Variants in ACOT12 observed in about 807,000 individuals in gnomAD.
ACOT12 encodes acetyl-coenzyme A thioesterase.
In ACOT12, 51 loss-of-function variants were observed where a neutral mutation model predicts 67.7. The ratio of observed to expected loss-of-function variants is 0.75; its 90% CI spans 0.60 to 0.95. The LOEUF is 0.95. ACOT12 is among the 40% of genes least tolerant of loss of function. ACOT12 has a pLI of 0.00. For synonymous variants in ACOT12, 251 were observed against 244.6 expected, an observed-to-expected ratio of 1.03 and a Z score of -0.24; for missense variants, 734 against 708.1, an observed-to-expected ratio of 1.04 and a Z score of -0.41.
At chr5:81,318,065 T>C in the ACOT12 span, among the ~76,000 whole-genome samples, 1 of 152,024 alleles carries the variant, frequency 6.6e-6, no homozygotes, top group Non-Finnish European at 1.5e-5. Flanking sequence ...GTATTTTTAG[T>C]AGAGACAGGG....
chr5:81,344,822 G>T, intron 8 of ACOT12, 69 bp downstream of exon 8: 1 of 1,567,522 alleles, frequency 6.4e-7, no homozygotes. Context: ...GTTGCCGGTG[G>T]GAGGAGATTC....
chr5:81,369,746 G>A (rs1300303497), intron 3 of ACOT12, among the ~76,000 whole-genome samples: 1 of 152,174 alleles, frequency 6.6e-6, no homozygotes, highest in African/African-American at 2.4e-5. Flanking sequence ...TTAGGGAAGA[G>A]GAGGAAAAGG....
the ACOT12 span, among the ~76,000 whole-genome samples, chr5:81,309,613 C>T: frequency 9.2e-5 from 14 of 152,282 alleles, no homozygotes; most frequent in Non-Finnish European, 1.5e-4. Context: ...AGGCTCTAGA[C>T]GTTTCTTGTG....
the ACOT12 span, among the ~76,000 whole-genome samples, chr5:81,310,610 T>C: frequency 1.3e-5 from 2 of 152,230 alleles, no homozygotes; most frequent in African/African-American, 4.8e-5. Context: ...GAAACACTTA[T>C]TTTAGAAACC....
chr5:81,364,414 C>T (rs1359229393), intron 3 of ACOT12, among the ~76,000 whole-genome samples: 2 of 151,484 alleles, frequency 1.3e-5, no homozygotes, highest in Non-Finnish European at 2.9e-5. Flanking sequence ...AATGTATTTA[C>T]AGTTTTATGT....
chr5:81,309,089 G>T, the ACOT12 span: 12 of 1,368,454 alleles, frequency 8.8e-6, no homozygotes, highest in Non-Finnish European at 1.1e-5. Flanking sequence ...TCGTGCAGTT[G>T]TGATTTAATT....
intron 3 of ACOT12, among the ~76,000 whole-genome samples, chr5:81,369,882 G>C (rs756921188): frequency 1.3e-5 from 2 of 152,208 alleles, no homozygotes; most frequent in Non-Finnish European, 2.9e-5. Flanking sequence ...TTGAATAAAC[G>C]CTCCAGAAAC....
At chr5:81,326,761 T>C (rs1267628107), downstream of ACOT12, among the ~76,000 whole-genome samples, 1 of 152,204 alleles carries the variant, frequency 6.6e-6, no homozygotes, top group Non-Finnish European at 1.5e-5. Context: ...GTGGTCACCT[T>C]GACCTATTTA....
At chr5:81,348,081 A>G in intron 5 of ACOT12, 151 bp from the exon 6 acceptor site, 1 of 774,006 alleles carries the variant, frequency 1.3e-6, no homozygotes, top group South Asian at 2.2e-5. Context: ...GACAGGTTCT[A>G]CAGAGTGACT....
intron 3 of ACOT12, among the ~76,000 whole-genome samples, chr5:81,367,341 A>G (rs1322993639): frequency 6.6e-6 from 1 of 152,208 alleles, no homozygotes; most frequent in Non-Finnish European, 1.5e-5. Context: ...TTGACTGTTT[A>G]AAACATAAAT....
intron 11 of ACOT12, among the ~76,000 whole-genome samples, chr5:81,337,673 G>A (rs928321130): frequency 2.0e-5 from 3 of 152,186 alleles, no homozygotes; most frequent in Non-Finnish European, 4.4e-5. Context: ...TAGGAGACAA[G>A]CATGGAACAG....
rs1561327935 is a variant in ACOT12 at position 81,344,914 on chromosome 5, G to A, written c.901C>T (p.Pro301Ser). The A allele has an allele frequency of 5.0e-6, 8 of 1,614,184 alleles. No individual in the cohort carries two copies. Among genetic ancestry groups the A allele is most frequent in the Non-Finnish European group, 6.8e-6 (8 of 1,180,036 alleles). ...ADDKENLITF[P>S]RIQPISKDDF... ...ACCTTTGAAATGGGTTGGATTCTGGGAAACGTGATGAGATTTTCCTTATCA... is the reference window on the plus strand; with the variant it reads ...ACCTTTGAAATGGGTTGGATTCTGGAAAACGTGATGAGATTTTCCTTATCA... The change falls in exon 8 of 15, where the codon CCC (proline) becomes TCC (serine). Residue 301 changes from proline to serine, a missense_variant. Physicochemically the swap from Pro to Ser is moderately conservative, Grantham distance 74. Coordinates refer to ENST00000307624, the MANE Select transcript of ACOT12 (RefSeq NM_130767.3).
intron 12 of ACOT12, 118 bp downstream of exon 12, chr5:81,335,649 TA>T: frequency 7.7e-7 from 1 of 1,301,504 alleles, no homozygotes; most frequent in Non-Finnish European, 1.1e-6. Context: ...GTCAAACTTC[TA>T]AAAATACTCT....
At chr5:81,393,713 AAC>A (rs1400738688) in intron 1 of ACOT12, among the ~76,000 whole-genome samples, 5 of 136,412 alleles carry the variant, frequency 3.7e-5, no homozygotes, top group South Asian at 4.7e-4. Context: ...CAACAACAAC[AAC>A]AACAAACAAA....
chr5:81,393,756 GCTC>G (rs1376916515), intron 1 of ACOT12, among the ~76,000 whole-genome samples: 1 of 152,018 alleles, frequency 6.6e-6, no homozygotes, highest in East Asian at 1.9e-4. Flanking sequence ...AGCTCTCTGG[GCTC>G]CTCACTTGTT....
chr5:81,366,056 T>G (rs1760068626), intron 3 of ACOT12, among the ~76,000 whole-genome samples: 1 of 152,150 alleles, frequency 6.6e-6, no homozygotes, highest in African/African-American at 2.4e-5. Context: ...TCTTTTGAGT[T>G]CTCTCCAGCC....
intron 3 of ACOT12, among the ~76,000 whole-genome samples, chr5:81,366,897 A>ACC (rs1760097711): frequency 6.6e-6 from 1 of 152,216 alleles, no homozygotes; most frequent in South Asian, 2.1e-4. Flanking sequence ...AGTATCAGTG[A>ACC]CCCGTGGAAC....
At position 81,347,820 on chromosome 5, in the gene ACOT12, C is replaced by CA; in HGVS notation, c.606dup (p.Gly203TrpfsTer32). ...GTCTCCATCCACGCCATAATCTGGC[C>CA]ACCAAATGTATTTCCGTGATGGTTT... is the stretch of plus-strand genomic sequence containing the variant. On this transcript the variant is annotated frameshift_variant, in exon 6 of 15. Coordinates refer to ENST00000307624, the MANE Select transcript of ACOT12 (RefSeq NM_130767.3). LOFTEE classifies it high-confidence loss of function. 1 of 1,614,170 alleles carries CA rather than the reference C, an allele frequency of 6.2e-7. No homozygotes were observed. Among genetic ancestry groups the CA allele is most frequent in the Non-Finnish European group, 8.5e-7 (1 of 1,180,020 alleles).
intron 1 of ACOT12, among the ~76,000 whole-genome samples, chr5:81,386,995 A>ATTTTTT (rs869281800): frequency 3.1e-4 from 25 of 81,332 alleles, no homozygotes; most frequent in East Asian, 8.8e-4. Flanking sequence ...GATGAGTTCC[A>ATTTTTT]TTTTTTTTTT....
Sources: allele counts gnomAD v4.1 joint callset (sites outside exome capture counted in the v4.1 genomes callset), GRCh38; gene constraint gnomAD v4.1.1; transcripts MANE v1.5; gene names NCBI Gene and HGNC (gene_info 2026-07-23, HGNC 2026-07-21).